The following NLGN4X variants were observed in gnomAD, a reference collection of about 807,000 sequenced individuals.
NLGN4X encodes neuroligin-4, X-linked.
NLGN4X carries 3 observed loss-of-function variants against 40.3 expected under a neutral mutation model. That is an observed-to-expected ratio of 0.07 (90% CI 0.03 to 0.19). The LOEUF (loss-of-function observed/expected upper bound fraction) is 0.19, where lower values mean the gene tolerates loss of function less well. Ranked by LOEUF, NLGN4X falls within the 10% of genes least tolerant of loss-of-function variation. NLGN4X has a pLI of 1.00. For missense variants in NLGN4X, 382 were observed against 708.3 expected (o/e 0.54, Z 5.23); for synonymous variants, 270 against 306.8 (o/e 0.88, Z 1.25).
chrX:6,078,707 C>T (rs1463136074), intron 2 of NLGN4X, among the ~76,000 whole-genome samples: 2 of 85,307 alleles, frequency 2.3e-5, no homozygotes, highest in Non-Finnish European at 4.8e-5. Context: ...TCTATTAAAA[C>T]CATTCCTGAG....
At chrX:6,000,142 G>A (rs1314132771) in intron 3 of NLGN4X, among the ~76,000 whole-genome samples, 1 of 112,303 alleles carries the variant, frequency 8.9e-6, no homozygotes, top group Non-Finnish European at 1.9e-5. Flanking sequence ...AATGGAGATG[G>A]TATCTGCTGA....
chrX:6,003,107 G>A (rs1425627875), intron 3 of NLGN4X, among the ~76,000 whole-genome samples: 1 of 111,596 alleles, frequency 9.0e-6, no homozygotes, highest in Non-Finnish European at 1.9e-5. Context: ...GAGAGACCTC[G>A]GGGTGTATAC....
At chrX:6,002,962 G>A (rs773803288) in intron 3 of NLGN4X, among the ~76,000 whole-genome samples, 32 of 111,537 alleles carry the variant, frequency 2.9e-4, no homozygotes, top group African/African-American at 7.2e-4. Flanking sequence ...GCTCCATCCC[G>A]TTTTCAGTTC....
chrX:6,012,912 T>A (rs1393437992), intron 3 of NLGN4X, among the ~76,000 whole-genome samples: 1 of 111,905 alleles, frequency 8.9e-6, no homozygotes, highest in East Asian at 2.8e-4. Context: ...TTTAAAGCCA[T>A]CACATTTGTG....
At chrX:6,082,590 G>C (rs1461313539) in intron 2 of NLGN4X, among the ~76,000 whole-genome samples, 1 of 111,181 alleles carries the variant, frequency 9.0e-6, no homozygotes, top group Non-Finnish European at 1.9e-5. Context: ...CTAATAGATA[G>C]ATAGCATACA....
chrX:6,031,833 GC>G (rs1447860241), intron 2 of NLGN4X, among the ~76,000 whole-genome samples: 1 of 108,969 alleles, frequency 9.2e-6, no homozygotes, highest in African/African-American at 3.3e-5. Flanking sequence ...CAGAAAAACA[GC>G]ATGCGAGTTG....
chrX:5,925,895 T>C (rs866798132), intron 3 of NLGN4X, among the ~76,000 whole-genome samples: 37 of 16,951 alleles, frequency 2.2e-3, no homozygotes, highest in African/African-American at 6.7e-3. Flanking sequence ...TATATATATA[T>C]ATATATATAT....
At chrX:5,898,160 T>C (rs2031624041) in intron 5 of NLGN4X, among the ~76,000 whole-genome samples, 1 of 94,904 alleles carries the variant, frequency 1.1e-5, no homozygotes, top group Non-Finnish European at 2.1e-5. Context: ...TTTTCTTCCT[T>C]CCTCCCTTTC....
chrX:6,098,845 A>T (rs1169801331), intron 2 of NLGN4X, among the ~76,000 whole-genome samples: 1 of 112,411 alleles, frequency 8.9e-6, no homozygotes, highest in African/African-American at 3.2e-5. Flanking sequence ...CAACTGGATC[A>T]GAAACTTTGG....
intron 2 of NLGN4X, among the ~76,000 whole-genome samples, chrX:6,149,576 A>G (rs1178074138): frequency 8.9e-6 from 1 of 111,743 alleles, no homozygotes; most frequent in Non-Finnish European, 1.9e-5. Flanking sequence ...GAGACAGCTC[A>G]GAACACCCCA....
chrX:5,918,702 A>T (rs1569129837), intron 3 of NLGN4X, among the ~76,000 whole-genome samples: 1 of 111,679 alleles, frequency 9.0e-6, no homozygotes, highest in African/African-American at 3.3e-5. Flanking sequence ...TCTTTTTGCC[A>T]CTTTTCTTTT....
At chrX:6,039,113 T>C (rs962412005) in intron 2 of NLGN4X, among the ~76,000 whole-genome samples, 6 of 111,113 alleles carry the variant, frequency 5.4e-5, no homozygotes, top group African/African-American at 2.0e-4. Context: ...GTCTGTACTT[T>C]CACCCCTTGA....
At chrX:6,111,564 C>T (rs999439461) in intron 2 of NLGN4X, among the ~76,000 whole-genome samples, 1 of 110,984 alleles carries the variant, frequency 9.0e-6, no homozygotes, top group Non-Finnish European at 1.9e-5. Flanking sequence ...CGTAGTGAGT[C>T]CTCATCGCTA....
intron 1 of NLGN4X, among the ~76,000 whole-genome samples, chrX:6,185,184 T>C (rs974290564): frequency 7.1e-5 from 8 of 112,355 alleles, no homozygotes; most frequent in African/African-American, 1.9e-4. Flanking sequence ...CAAAGGTTCA[T>C]GGACAGGAAA....
intron 2 of NLGN4X, among the ~76,000 whole-genome samples, chrX:6,035,521 T>C (rs140790613): frequency 0.057 from 6,410 of 111,820 alleles, 382 homozygotes; most frequent in African/African-American, 0.18. Context: ...TCTTTTTACA[T>C]ATGAATATCC....
chrX:5,949,400 C>G (rs2034234229), intron 3 of NLGN4X, among the ~76,000 whole-genome samples: 1 of 111,588 alleles, frequency 9.0e-6, no homozygotes, highest in Admixed American at 9.5e-5. Flanking sequence ...ATAAAGACGA[C>G]TGTCTTATCC....
chrX:5,910,487 G>C (rs2032425822), intron 3 of NLGN4X, among the ~76,000 whole-genome samples: 1 of 111,331 alleles, frequency 9.0e-6, no homozygotes, highest in African/African-American at 3.3e-5. Flanking sequence ...AGTCATGTTT[G>C]TATGAAGACA....
intron 1 of NLGN4X, among the ~76,000 whole-genome samples, chrX:6,174,868 C>T (rs944299088): frequency 9.0e-6 from 1 of 110,723 alleles, no homozygotes; most frequent in African/African-American, 3.3e-5. Context: ...ATCAATTGTA[C>T]CCTATACCTC....
chrX:6,100,033 A>C (rs2038870989), intron 2 of NLGN4X, among the ~76,000 whole-genome samples: 1 of 112,449 alleles, frequency 8.9e-6, no homozygotes, highest in African/African-American at 3.2e-5. Flanking sequence ...GCCAGTGATA[A>C]GCATTGTTTT....
Sources: allele counts gnomAD v4.1 joint callset (sites outside exome capture counted in the v4.1 genomes callset), GRCh38; gene constraint gnomAD v4.1.1; transcripts MANE v1.5; gene names NCBI Gene and HGNC (gene_info 2026-07-23, HGNC 2026-07-21).